GPC5: variants seen among roughly 807,000 people sequenced by gnomAD.
The protein encoded by GPC5 is glypican-5.
A neutral mutation model predicts 53.9 loss-of-function variants in GPC5; 47 were observed. That is an observed-to-expected ratio of 0.87 (90% CI 0.69 to 1.11). GPC5 has a LOEUF of 1.11. Ranked by LOEUF, GPC5 falls within the 50% of genes most tolerant of loss-of-function variation. The pLI, the probability that GPC5 is intolerant of heterozygous loss-of-function variation, is 0.00. For missense variants in GPC5, 748 were observed against 713.1 expected, an observed-to-expected ratio of 1.05 and a Z score of -0.56; for synonymous variants, 286 against 263.3, an observed-to-expected ratio of 1.09 and a Z score of -0.84.
intron 6 of GPC5, among the ~76,000 whole-genome samples, chr13:92,122,867 C>CA (rs896832521): frequency 2.1e-4 from 30 of 144,486 alleles, no homozygotes; most frequent in African/African-American, 6.4e-4. Context: ...ATACTGGCAA[C>CA]AAAAAAAAGC....
chr13:92,831,490 T>C (rs1410188776), intron 7 of GPC5, among the ~76,000 whole-genome samples: 1 of 152,158 alleles, frequency 6.6e-6, no homozygotes, highest in African/African-American at 2.4e-5. Flanking sequence ...GAAGAAGTTA[T>C]CAGGATTATT....
At chr13:92,676,178 T>A (rs1886932713) in intron 7 of GPC5, among the ~76,000 whole-genome samples, 2 of 152,110 alleles carry the variant, frequency 1.3e-5, no homozygotes, top group Non-Finnish European at 2.9e-5. Context: ...TACCATTATA[T>A]AACAGACATT....
At chr13:92,026,602 T>C (rs2040803056) in intron 6 of GPC5, among the ~76,000 whole-genome samples, 1 of 152,146 alleles carries the variant, frequency 6.6e-6, no homozygotes, top group African/African-American at 2.4e-5. Flanking sequence ...ATTTTATAAT[T>C]GAATTATATT....
Position 91,915,707 on chromosome 13 carries a change from T to G in GPC5, c.1401+7650T>G, listed in dbSNP as rs868695143. On this transcript the variant is annotated intron_variant, in intron 6 of 7. Transcript: ENST00000377067. ...GCTAAAACTTTTATATATTTCTGCT[T>G]GAAATATTTTGAAATATGGTTTTTT... Among the ~76,000 whole-genome samples the G allele has an allele frequency of 3.9e-5, 6 of 152,300 alleles. No homozygotes were observed. The Middle Eastern group carries it at 0.014, about 345-fold the overall frequency.
At chr13:92,251,319 C>T (rs1463828830) in intron 7 of GPC5, among the ~76,000 whole-genome samples, 1 of 152,054 alleles carries the variant, frequency 6.6e-6, no homozygotes, top group Non-Finnish European at 1.5e-5. Context: ...ACATGTTAGG[C>T]TGAGTTTTGC....
chr13:91,600,399 A>G (rs1022402287), intron 2 of GPC5, among the ~76,000 whole-genome samples: 2 of 151,898 alleles, frequency 1.3e-5, no homozygotes, highest in African/African-American at 4.8e-5. Flanking sequence ...ATGGCTGGGC[A>G]CAGTATATAA....
At chr13:91,474,968 C>G (rs942172312) in intron 2 of GPC5, among the ~76,000 whole-genome samples, 1 of 151,998 alleles carries the variant, frequency 6.6e-6, no homozygotes, top group Non-Finnish European at 1.5e-5. Flanking sequence ...ATTTGTAACA[C>G]ATAAACAAGA....
intron 7 of GPC5, among the ~76,000 whole-genome samples, chr13:92,788,955 G>A (rs1305905870): frequency 1.3e-5 from 2 of 152,036 alleles, no homozygotes; most frequent in African/African-American, 2.4e-5. Flanking sequence ...ATTGGGTAGG[G>A]TATTTGCTCA....
chr13:92,638,804 G>T (rs1165507208), intron 7 of GPC5, among the ~76,000 whole-genome samples: 1 of 152,260 alleles, frequency 6.6e-6, no homozygotes, highest in South Asian at 2.1e-4. Flanking sequence ...GGAGGAGTCA[G>T]CAGAGAAAGC....
intron 2 of GPC5, among the ~76,000 whole-genome samples, chr13:91,511,011 C>CTAGG (rs1885206354): frequency 6.6e-6 from 1 of 151,398 alleles, no homozygotes; most frequent in African/African-American, 2.4e-5. Flanking sequence ...GTTTTGCCAC[C>CTAGG]CTGAAATCAG....
At chr13:92,392,487 G>C (rs898697462) in intron 7 of GPC5, among the ~76,000 whole-genome samples, 1 of 152,102 alleles carries the variant, frequency 6.6e-6, no homozygotes, top group Non-Finnish European at 1.5e-5. Context: ...CTGGACATAG[G>C]AATGGGTGAA....
chr13:91,482,737 A>T (rs1883373597), intron 2 of GPC5, among the ~76,000 whole-genome samples: 1 of 152,068 alleles, frequency 6.6e-6, no homozygotes, highest in Admixed American at 6.6e-5. Flanking sequence ...TGCTGTTTAG[A>T]TCTTATCAAC....
intron 7 of GPC5, among the ~76,000 whole-genome samples, chr13:92,694,620 G>C (rs1887506488): frequency 6.6e-6 from 1 of 152,206 alleles, no homozygotes. Flanking sequence ...CCCGGTGCCT[G>C]TACCCACATT....
chr13:92,545,627 C>T lies in GPC5; in HGVS notation c.1562-320655C>T, dbSNP rs1008057773. 2.4e-4 allele frequency among the ~76,000 whole-genome samples: 37 copies of T among 152,208 alleles called. 1 individual carries two copies. The highest frequency in any genetic ancestry group is 7.0e-4 in the African/African-American group (29 of 41,546). Reference sequence around the variant, plus strand: ...GATCGCCATTCTAACTGGTGTGAGACGGTATCTCATTGTAGTTTTGACTTG... The same window carrying T: ...GATCGCCATTCTAACTGGTGTGAGATGGTATCTCATTGTAGTTTTGACTTG... On this transcript the variant is annotated intron_variant, in intron 7 of 7. Transcript: ENST00000377067.
chr13:91,968,298 G>A (rs191539308), intron 6 of GPC5, among the ~76,000 whole-genome samples: 105 of 151,250 alleles, frequency 6.9e-4, no homozygotes, highest in African/African-American at 2.4e-3. Context: ...AGATTTAATT[G>A]TGGTACATAG....
At chr13:91,950,795 T>G (rs1312910174) in intron 6 of GPC5, among the ~76,000 whole-genome samples, 3 of 152,184 alleles carry the variant, frequency 2.0e-5, no homozygotes, top group Admixed American at 6.5e-5. Context: ...ACTCATTTAA[T>G]GGTAGCTATT....
intron 7 of GPC5, among the ~76,000 whole-genome samples, chr13:92,525,437 AGTGTGTGTGTGTGTGTGT>A (rs34946580): frequency 5.9e-5 from 8 of 136,672 alleles, no homozygotes; most frequent in African/African-American, 1.9e-4. Context: ...GATAGATTCA[AGTGTGTGTGTGTGTGTGT>A]GTGTGTGTGT....
intron 5 of GPC5, among the ~76,000 whole-genome samples, chr13:91,757,633 G>A (rs1311852010): frequency 6.6e-6 from 1 of 152,116 alleles, no homozygotes; most frequent in African/African-American, 2.4e-5. Context: ...GAAGAAGGAC[G>A]TATTTGCTTC....
chr13:92,457,712 T>C (rs540292018), intron 7 of GPC5, among the ~76,000 whole-genome samples: 1 of 152,068 alleles, frequency 6.6e-6, no homozygotes, highest in East Asian at 1.9e-4. Context: ...ATTCCATCCA[T>C]GCAAAATGGC....
Sources: allele counts gnomAD v4.1 joint callset (sites outside exome capture counted in the v4.1 genomes callset), GRCh38; gene constraint gnomAD v4.1.1; transcripts MANE v1.5; gene names NCBI Gene and HGNC (gene_info 2026-07-23, HGNC 2026-07-21).